Variants in SGMS1 observed in about 807,000 individuals in gnomAD.
SGMS1 encodes phosphatidylcholine:ceramide cholinephosphotransferase 1.
SGMS1 carries 13 observed loss-of-function variants against 46.2 expected under a neutral mutation model. The ratio of observed to expected loss-of-function variants is 0.28; its 90% CI spans 0.18 to 0.45. The LOEUF (loss-of-function observed/expected upper bound fraction) is 0.45, where lower values mean the gene tolerates loss of function less well. Ranked by LOEUF, SGMS1 falls within the 20% of genes least tolerant of loss-of-function variation. The pLI, the probability that SGMS1 is intolerant of heterozygous loss-of-function variation, is 1.00. For missense variants in SGMS1, 324 were observed against 519.9 expected (o/e 0.62, Z 3.66); for synonymous variants, 203 against 187.8 (o/e 1.08, Z -0.66).
chr10:50,381,951 A>G (rs1848613153), intron 6 of SGMS1, among the ~76,000 whole-genome samples: 1 of 152,200 alleles, frequency 6.6e-6, no homozygotes, highest in Admixed American at 6.5e-5. Context: ...AAAAGGAGAA[A>G]GTGGCACTCT....
chr10:50,624,086 G>T (rs1838887723), upstream of SGMS1: 11 of 985,166 alleles, frequency 1.1e-5, no homozygotes, highest in African/African-American at 1.7e-5. Context: ...CTCCTCCCGG[G>T]ACCGAGCGGG....
At chr10:50,525,453 C>T (rs1203909869) in intron 2 of SGMS1, among the ~76,000 whole-genome samples, 1 of 152,080 alleles carries the variant, frequency 6.6e-6, no homozygotes, top group Non-Finnish European at 1.5e-5. Flanking sequence ...TCAGTACAGG[C>T]ATCACTCAAG....
intron 1 of SGMS1, among the ~76,000 whole-genome samples, chr10:50,611,222 C>A (rs1838746359): frequency 6.6e-6 from 1 of 152,206 alleles, no homozygotes; most frequent in African/African-American, 2.4e-5. Context: ...TCAACACGCA[C>A]TCTCTCTTAC....
chr10:50,380,580 G>C (rs1848588069), intron 6 of SGMS1, among the ~76,000 whole-genome samples: 1 of 152,040 alleles, frequency 6.6e-6, no homozygotes, highest in African/African-American at 2.4e-5. Flanking sequence ...AATCAGTACA[G>C]AAACGTCCAT....
At chr10:50,542,632 T>TAC (rs1006419173) in intron 2 of SGMS1, among the ~76,000 whole-genome samples, 1 of 52,568 alleles carries the variant, frequency 1.9e-5, no homozygotes, top group Admixed American at 2.6e-4. Flanking sequence ...AGAGAAGGTA[T>TAC]ACACACACAC....
At chr10:50,393,729 G>A (rs1331775378) in intron 6 of SGMS1, among the ~76,000 whole-genome samples, 4 of 152,142 alleles carry the variant, frequency 2.6e-5, no homozygotes, top group Admixed American at 6.5e-5. Flanking sequence ...TCTGAAACCT[G>A]TCCCACAAAA....
intron 6 of SGMS1, among the ~76,000 whole-genome samples, chr10:50,394,833 T>G (rs1280578536): frequency 6.6e-6 from 1 of 152,228 alleles, no homozygotes; most frequent in Non-Finnish European, 1.5e-5. Context: ...AACTAATAAC[T>G]GGTCTGAATT....
chr10:50,471,726 T>C (rs936263041), intron 3 of SGMS1, among the ~76,000 whole-genome samples: 1 of 152,164 alleles, frequency 6.6e-6, no homozygotes, highest in Non-Finnish European at 1.5e-5. Context: ...AATTCACAAA[T>C]TGAAGAAATA....
At chr10:50,538,066 G>A (rs539957513) in intron 2 of SGMS1, among the ~76,000 whole-genome samples, 6 of 151,262 alleles carry the variant, frequency 4.0e-5, no homozygotes, top group Admixed American at 2.0e-4. Flanking sequence ...ATTATGCCAC[G>A]GCACTCCAGC....
intron 6 of SGMS1, among the ~76,000 whole-genome samples, chr10:50,385,657 CA>C (rs925328760): frequency 6.7e-6 from 1 of 149,800 alleles, no homozygotes; most frequent in African/African-American, 2.5e-5. Context: ...GATCTGATTA[CA>C]AAAAAAAAGG....
At chr10:50,540,290 T>C (rs1838040603) in intron 2 of SGMS1, among the ~76,000 whole-genome samples, 1 of 152,096 alleles carries the variant, frequency 6.6e-6, no homozygotes, top group Admixed American at 6.5e-5. Context: ...AGGGGAAGGA[T>C]GTGGTGATAA....
chr10:50,351,725 T>C (rs563362682), intron 6 of SGMS1, among the ~76,000 whole-genome samples: 4 of 152,322 alleles, frequency 2.6e-5, no homozygotes, highest in African/African-American at 4.8e-5. Flanking sequence ...GAGGCCTCCC[T>C]AGCCATGTGG....
chr10:50,408,253 T>C (rs754221471), intron 6 of SGMS1, among the ~76,000 whole-genome samples: 13 of 152,018 alleles, frequency 8.6e-5, no homozygotes, highest in Non-Finnish European at 1.3e-4. Context: ...CAAGTAGGTA[T>C]AGAGAAAAGC....
chr10:50,368,168 T>G (rs566916014), intron 6 of SGMS1, among the ~76,000 whole-genome samples: 1 of 152,332 alleles, frequency 6.6e-6, no homozygotes, highest in Non-Finnish European at 1.5e-5. Context: ...TACAATTAGT[T>G]GTTTCCATAG....
intron 1 of SGMS1, among the ~76,000 whole-genome samples, chr10:50,613,884 G>C (rs756965822): frequency 2.0e-5 from 3 of 152,200 alleles, no homozygotes; most frequent in African/African-American, 7.2e-5. Flanking sequence ...ATGTGTGTAG[G>C]TGCTGTACTA....
chr10:50,617,171 C>T lies in SGMS1; in HGVS notation c.-684+6536G>A, dbSNP rs765991099. ...GGTGATAAAAAATGTTCTGGAAATG[C>T]ATAGTGGTGACAACAATGTAAATGT... On this transcript the variant is annotated intron_variant, in intron 1 of 10. Transcript: ENST00000361781. Among the ~76,000 whole-genome samples the T allele has an allele frequency of 7.8e-4, 119 of 152,242 alleles. 1 individual carries two copies. In the Middle Eastern group the frequency reaches 0.02, roughly 26 times the overall value.
At chr10:50,495,716 A>G (rs1251850526) in intron 3 of SGMS1, among the ~76,000 whole-genome samples, 7 of 152,248 alleles carry the variant, frequency 4.6e-5, no homozygotes, top group African/African-American at 1.7e-4. Context: ...CTACATTAAA[A>G]TAAATTGAAT....
At chr10:50,605,036 A>G (rs1838682531) in intron 1 of SGMS1, among the ~76,000 whole-genome samples, 1 of 152,164 alleles carries the variant, frequency 6.6e-6, no homozygotes, top group African/African-American at 2.4e-5. Flanking sequence ...GGTACAAAAC[A>G]TTTCACTTCT....
chr10:50,402,721 T>G (rs1848958818), intron 6 of SGMS1, among the ~76,000 whole-genome samples: 1 of 149,830 alleles, frequency 6.7e-6, no homozygotes, highest in African/African-American at 2.4e-5. Context: ...ACTCAATTTT[T>G]GTTAACCAGA....
Sources: gnomAD v4.1 joint callset for allele counts (sites outside exome capture counted in the v4.1 genomes callset) on GRCh38, gnomAD v4.1.1 for gene constraint, MANE v1.5 for transcripts, NCBI Gene and HGNC (gene_info 2026-07-23, HGNC 2026-07-21) for gene names.